The following IMMP2L variants were observed in gnomAD, a reference collection of about 807,000 sequenced individuals.
IMMP2L encodes inner mitochondrial membrane peptidase subunit 2, also known as mitochondrial inner membrane protease subunit 2.
A neutral mutation model predicts 19.3 loss-of-function variants in IMMP2L; 18 were observed. That is an observed-to-expected ratio of 0.93 (90% CI 0.64 to 1.38). IMMP2L has a LOEUF of 1.38. IMMP2L is among the 40% of genes most tolerant of loss of function. The probability of loss-of-function intolerance (pLI) is 0.00; values close to 1 mark genes in which losing one functional copy is unlikely to be tolerated. For missense variants in IMMP2L, 233 were observed against 218.2 expected, an observed-to-expected ratio of 1.07 and a Z score of -0.43; for synonymous variants, 76 against 73.0, an observed-to-expected ratio of 1.04 and a Z score of -0.21.
Position 111,411,772 on chromosome 7 carries a change from C to G in IMMP2L, c.239+75466G>C, listed in dbSNP as rs886260485. 38 of 197,586 alleles carry G rather than the reference C, an allele frequency of 1.9e-4. 1 individual carries two copies. The highest frequency in any genetic ancestry group is 8.9e-4 in the African/African-American group (38 of 42,518). The allele number at this position is 197,586 out of a possible 1,614,324, so 12.2% of individuals were successfully genotyped here. ...CTCTCTACAAGGAGGAGCTGGTGAG[C>G]GTCAACGTGCAGGGGAATTATGAGC... On this transcript the variant is annotated intron_variant, in intron 3 of 5. Coordinates refer to ENST00000405709, the MANE Select transcript of IMMP2L (RefSeq NM_032549.4).
intron 3 of IMMP2L, among the ~76,000 whole-genome samples, chr7:111,032,702 A>G (rs527279422): frequency 6.6e-6 from 1 of 152,226 alleles, no homozygotes; most frequent in African/African-American, 2.4e-5. Context: ...GATGCCTGTA[A>G]TCCTAGCTAC....
At chr7:111,502,427 C>A (rs1244368303) in intron 2 of IMMP2L, among the ~76,000 whole-genome samples, 1 of 152,098 alleles carries the variant, frequency 6.6e-6, no homozygotes, top group Non-Finnish European at 1.5e-5. Flanking sequence ...AGAAAGTTAA[C>A]AAGGATATCC....
At chr7:111,236,687 C>G (rs1256681168) in intron 3 of IMMP2L, among the ~76,000 whole-genome samples, 1 of 152,068 alleles carries the variant, frequency 6.6e-6, no homozygotes, top group African/African-American at 2.4e-5. Flanking sequence ...GTCCTGCAAA[C>G]TCTAGCCACC....
At chr7:111,508,380 T>C (rs548751810) in intron 2 of IMMP2L, among the ~76,000 whole-genome samples, 1 of 152,178 alleles carries the variant, frequency 6.6e-6, no homozygotes, top group South Asian at 2.1e-4. Context: ...AGAACATAAT[T>C]ATAAAATGAT....
rs758571908 is a variant in IMMP2L, at chr7:110,944,452, TGTGTGTGTGTGCGCGCGCAC to T, written c.305+19028_305+19047del. 2.2e-4 allele frequency among the ~76,000 whole-genome samples: 32 copies of T among 146,932 alleles called. 2 individuals carry two copies. Among genetic ancestry groups the T allele is most frequent in the Admixed American group, 7.5e-4 (11 of 14,710 alleles). The stretch of plus-strand genomic sequence containing the variant: ...AATAGTATAGCTCAAGCACATAGAG[TGTGTGTGTGTGCGCGCGCAC>T]GTGTGTGTGTGCGCGTGTGTGTGTA... On this transcript the variant is annotated intron_variant, in intron 4 of 5. Coordinates refer to ENST00000405709, the MANE Select transcript of IMMP2L (RefSeq NM_032549.4).
intron 3 of IMMP2L, among the ~76,000 whole-genome samples, chr7:111,298,276 G>T (rs116303544): frequency 6.6e-6 from 1 of 152,036 alleles, no homozygotes; most frequent in Admixed American, 6.6e-5. Flanking sequence ...TGAAATCCTG[G>T]CTCCACACTT....
intron 3 of IMMP2L, among the ~76,000 whole-genome samples, chr7:111,464,430 C>T: frequency 6.6e-6 from 1 of 152,184 alleles, no homozygotes; most frequent in East Asian, 1.9e-4. Flanking sequence ...TTACAGTGAG[C>T]TATGACCATG....
At chr7:110,868,317 GAAATTTA>G (rs1182990731) in intron 5 of IMMP2L, among the ~76,000 whole-genome samples, 1 of 152,022 alleles carries the variant, frequency 6.6e-6, no homozygotes, top group Non-Finnish European at 1.5e-5. Context: ...AAAGAGGCAT[GAAATTTA>G]TAGATTCAGT....
intron 3 of IMMP2L, among the ~76,000 whole-genome samples, chr7:110,966,268 G>T (rs187014099): frequency 5.5e-4 from 84 of 152,098 alleles, no homozygotes; most frequent in Non-Finnish European, 1.1e-3. Flanking sequence ...AAAACAAAAG[G>T]AAAAGGAAAA....
At chr7:110,781,634 G>A (rs370066620) in intron 5 of IMMP2L, among the ~76,000 whole-genome samples, 6 of 151,484 alleles carry the variant, frequency 4.0e-5, no homozygotes, top group South Asian at 4.2e-4. Flanking sequence ...ATTTTCCTAC[G>A]TTCAGATATA....
At position 110,886,663 on chromosome 7, in the gene IMMP2L, A is replaced by T; in HGVS notation, c.338T>A (p.Val113Asp). ...TTCAACCCAGATGTGACCACGGGGG[A>T]CTTTGACATACCGGTTTTTGTGTCC... ...TIGHKNRYVKVPRGHIWVEGD... is the reference protein window; with the variant it reads ...TIGHKNRYVKDPRGHIWVEGD... The change falls in exon 5 of 6, where the codon GTC (valine) becomes GAC (aspartate). Residue 113 changes from valine to aspartate, a missense_variant. Coordinates refer to ENST00000405709, the MANE Select transcript of IMMP2L (RefSeq NM_032549.4). 6.2e-7 allele frequency: 1 copy of T among 1,603,406 alleles called. No individual in the cohort carries two copies. Among genetic ancestry groups the T allele is most frequent in the Non-Finnish European group, 8.5e-7 (1 of 1,170,550 alleles).
chr7:111,036,312 T>C (rs866823415), intron 3 of IMMP2L, among the ~76,000 whole-genome samples: 3 of 152,184 alleles, frequency 2.0e-5, no homozygotes, highest in South Asian at 4.1e-4. Context: ...CCCAGCTCTA[T>C]CTAGGCCTCC....
chr7:111,209,842 G>A (rs1052178417), intron 3 of IMMP2L, among the ~76,000 whole-genome samples: 9 of 152,068 alleles, frequency 5.9e-5, no homozygotes, highest in Non-Finnish European at 8.8e-5. Context: ...CTGAAGGTTC[G>A]GGTCAGTAAA....
At chr7:111,300,413 G>T (rs560458075) in intron 3 of IMMP2L, among the ~76,000 whole-genome samples, 1 of 152,190 alleles carries the variant, frequency 6.6e-6, no homozygotes, top group Non-Finnish European at 1.5e-5. Context: ...TGAGATAATT[G>T]TAGATTCACA....
At chr7:111,204,406 T>C (rs1810479869) in intron 3 of IMMP2L, among the ~76,000 whole-genome samples, 1 of 152,072 alleles carries the variant, frequency 6.6e-6, no homozygotes, top group South Asian at 2.1e-4. Flanking sequence ...CAAGACAACA[T>C]ATATGAAAAA....
chr7:111,038,794 A>G (rs575744618), intron 3 of IMMP2L, among the ~76,000 whole-genome samples: 1 of 152,322 alleles, frequency 6.6e-6, no homozygotes, highest in East Asian at 1.9e-4. Flanking sequence ...ATTAAAGGGG[A>G]TAATCTTTAT....
chr7:111,386,521 A>C (rs1831773255), intron 3 of IMMP2L, among the ~76,000 whole-genome samples: 1 of 152,122 alleles, frequency 6.6e-6, no homozygotes, highest in Admixed American at 6.6e-5. Context: ...TCAAGTGTGA[A>C]GGTATGTGTA....
intron 3 of IMMP2L, chr7:111,125,156 A>G (rs1801160397): frequency 2.7e-6 from 1 of 366,246 alleles, no homozygotes; most frequent in Non-Finnish European, 5.1e-6. Flanking sequence ...ACTTTCATGT[A>G]ACTTTTATGT....
intron 3 of IMMP2L, among the ~76,000 whole-genome samples, chr7:110,975,609 A>G (rs1464161829): frequency 1.3e-5 from 2 of 152,144 alleles, no homozygotes; most frequent in Admixed American, 6.6e-5. Context: ...TTTCAGGACC[A>G]CAGCTTCTAG....
Sources: allele counts gnomAD v4.1 joint callset (sites outside exome capture counted in the v4.1 genomes callset), GRCh38; gene constraint gnomAD v4.1.1; transcripts MANE v1.5; gene names NCBI Gene and HGNC (gene_info 2026-07-23, HGNC 2026-07-21).